The following PPARGC1A variants were observed in gnomAD, a reference collection of about 807,000 sequenced individuals.
PPARGC1A encodes peroxisome proliferator-activated receptor gamma coactivator 1-alpha.
In PPARGC1A, 25 loss-of-function variants were observed where a neutral mutation model predicts 88.7. The observed-to-expected ratio is 0.28, with a 90% confidence interval of 0.21 to 0.39. PPARGC1A has a LOEUF of 0.39. PPARGC1A is among the 10% of genes least tolerant of loss of function. The probability of loss-of-function intolerance (pLI) is 1.00; values close to 1 mark genes in which losing one functional copy is unlikely to be tolerated. For synonymous variants in PPARGC1A, 363 were observed against 355.6 expected, an observed-to-expected ratio of 1.02 and a Z score of -0.24; for missense variants, 880 against 968.7, an observed-to-expected ratio of 0.91 and a Z score of 1.22.
At chr4:24,175,254 G>A in the PPARGC1A span, among the ~76,000 whole-genome samples, 7 of 152,008 alleles carry the variant, frequency 4.6e-5, no homozygotes, top group Non-Finnish European at 8.8e-5. Context: ...ATACCACCCT[G>A]GGAGGCATGA....
At chr4:23,978,728 T>C in the PPARGC1A span, among the ~76,000 whole-genome samples, 1 of 152,192 alleles carries the variant, frequency 6.6e-6, no homozygotes, top group African/African-American at 2.4e-5. Context: ...GCAGGCTTTT[T>C]AGAAGAATAT....
the PPARGC1A span, among the ~76,000 whole-genome samples, chr4:24,366,991 A>G: frequency 6.6e-6 from 1 of 152,196 alleles, no homozygotes. Context: ...CTTGTGGAAA[A>G]AACACAAAGC....
chr4:24,413,280 G>A, the PPARGC1A span, among the ~76,000 whole-genome samples: 3 of 141,116 alleles, frequency 2.1e-5, no homozygotes, highest in Non-Finnish European at 4.5e-5. Flanking sequence ...TTTATACTCA[G>A]CAGGAGGAAA....
chr4:24,449,056 C>T, the PPARGC1A span, among the ~76,000 whole-genome samples: 3 of 151,838 alleles, frequency 2.0e-5, no homozygotes, highest in Non-Finnish European at 3.0e-5. Flanking sequence ...TCAGGTCCCA[C>T]ATACCAGTGA....
chr4:24,117,254 A>G, the PPARGC1A span, among the ~76,000 whole-genome samples: 9 of 152,144 alleles, frequency 5.9e-5, no homozygotes, highest in African/African-American at 2.2e-4. Flanking sequence ...CCTTGAGATC[A>G]TTCTGTGCCT....
the PPARGC1A span, among the ~76,000 whole-genome samples, chr4:24,421,458 C>T: frequency 1.3e-5 from 2 of 151,964 alleles, no homozygotes; most frequent in East Asian, 1.9e-4. Flanking sequence ...CTACAGGCGC[C>T]CGCCATCAAG....
chr4:24,281,136 A>G, the PPARGC1A span, among the ~76,000 whole-genome samples: 1 of 152,138 alleles, frequency 6.6e-6, no homozygotes, highest in Admixed American at 6.5e-5. Flanking sequence ...CTTACAGCTC[A>G]CCTCTGCCAT....
chr4:24,008,383 G>C, the PPARGC1A span, among the ~76,000 whole-genome samples: 1 of 152,122 alleles, frequency 6.6e-6, no homozygotes, highest in African/African-American at 2.4e-5. Context: ...CTTACAAACT[G>C]ATCTTATTCC....
chr4:24,413,000 C>T, the PPARGC1A span, among the ~76,000 whole-genome samples: 1 of 152,200 alleles, frequency 6.6e-6, no homozygotes, highest in Non-Finnish European at 1.5e-5. Flanking sequence ...AAATCCTAGG[C>T]TTCGTAATGG....
At chr4:24,345,551 A>T in the PPARGC1A span, among the ~76,000 whole-genome samples, 1 of 152,096 alleles carries the variant, frequency 6.6e-6, no homozygotes, top group African/African-American at 2.4e-5. Context: ...CTATTGTAAA[A>T]GAAGTGAGTT....
the PPARGC1A span, among the ~76,000 whole-genome samples, chr4:24,094,625 A>T: frequency 6.6e-6 from 1 of 152,260 alleles, no homozygotes; most frequent in Admixed American, 6.5e-5. Flanking sequence ...ATCACTTAGC[A>T]AGGAAATTAA....
intron 2 of PPARGC1A, among the ~76,000 whole-genome samples, chr4:23,874,343 A>T (rs1008810096): frequency 3.9e-5 from 6 of 152,196 alleles, no homozygotes; most frequent in Non-Finnish European, 5.9e-5. Flanking sequence ...ACAGATGTGC[A>T]GTGTGACTGC....
At chr4:23,878,621 A>C (rs1218276944) in intron 2 of PPARGC1A, among the ~76,000 whole-genome samples, 4 of 152,210 alleles carry the variant, frequency 2.6e-5, no homozygotes, top group African/African-American at 9.6e-5. Flanking sequence ...TATCAAGCCG[A>C]GAAGTCTAAA....
chr4:23,798,335 C>T (rs1447539810), intron 12 of PPARGC1A, among the ~76,000 whole-genome samples: 1 of 152,172 alleles, frequency 6.6e-6, no homozygotes, highest in Non-Finnish European at 1.5e-5. Context: ...AATCACATCA[C>T]ACTTATATTC....
the PPARGC1A span, among the ~76,000 whole-genome samples, chr4:24,344,955 T>C: frequency 6.6e-6 from 1 of 152,184 alleles, no homozygotes; most frequent in Non-Finnish European, 1.5e-5. Flanking sequence ...AGGATCCAGT[T>C]TCATTCTCCT....
At chr4:24,411,238 C>T in the PPARGC1A span, among the ~76,000 whole-genome samples, 504 of 152,298 alleles carry the variant, frequency 3.3e-3, no homozygotes, top group African/African-American at 0.012. Flanking sequence ...AGCCGACTGT[C>T]CTGGGTAACT....
chr4:24,255,731 G>GT, the PPARGC1A span, among the ~76,000 whole-genome samples: 3 of 152,204 alleles, frequency 2.0e-5, no homozygotes, highest in African/African-American at 7.2e-5. Flanking sequence ...TCCCAAATAA[G>GT]TAAGAGTTAG....
chr4:24,320,882 G>C, the PPARGC1A span, among the ~76,000 whole-genome samples: 16 of 152,126 alleles, frequency 1.1e-4, no homozygotes, highest in Non-Finnish European at 2.1e-4. Flanking sequence ...TCAACAGCTG[G>C]AAAATGGCTC....
the PPARGC1A span, among the ~76,000 whole-genome samples, chr4:24,176,429 G>A: frequency 2.0e-5 from 3 of 152,138 alleles, no homozygotes; most frequent in Non-Finnish European, 4.4e-5. Flanking sequence ...AAATGGAGGG[G>A]CGTGACACAA....
Sources: allele counts gnomAD v4.1 joint callset (sites outside exome capture counted in the v4.1 genomes callset), GRCh38; gene constraint gnomAD v4.1.1; transcripts MANE v1.5; gene names NCBI Gene and HGNC (gene_info 2026-07-23, HGNC 2026-07-21).